SYT16: variants seen among roughly 807,000 people sequenced by gnomAD.
SYT16 encodes synaptotagmin-16.
In SYT16, 42 loss-of-function variants were observed where a neutral mutation model predicts 61.4. The ratio of observed to expected loss-of-function variants is 0.68; its 90% CI spans 0.53 to 0.89. The LOEUF is 0.89. SYT16 is among the 40% of genes least tolerant of loss of function. The pLI, the probability that SYT16 is intolerant of heterozygous loss-of-function variation, is 0.00. For synonymous variants in SYT16, 314 were observed against 302.3 expected (o/e 1.04, Z -0.40); for missense variants, 804 against 807.3 (o/e 1.00, Z 0.05).
chr14:62,064,673 A>T (rs1463916676), intron 3 of SYT16, among the ~76,000 whole-genome samples: 1 of 152,210 alleles, frequency 6.6e-6, no homozygotes, highest in Non-Finnish European at 1.5e-5. Flanking sequence ...TCGGAGCAAG[A>T]CAGCTTGGGT....
At chr14:62,089,449 GTATC>G (rs2056999558) in intron 7 of SYT16, among the ~76,000 whole-genome samples, 1 of 151,952 alleles carries the variant, frequency 6.6e-6, no homozygotes, top group South Asian at 2.1e-4. Flanking sequence ...TCATTTCTAT[GTATC>G]TATCTGTCTA....
intron 1 of SYT16, among the ~76,000 whole-genome samples, chr14:61,819,808 C>A (rs2045558734): frequency 6.6e-6 from 1 of 152,220 alleles, no homozygotes; most frequent in African/African-American, 2.4e-5. Context: ...GGTCCTGCCA[C>A]TCAAAGGCTG....
chr14:62,094,437 T>A (rs1018078106), intron 7 of SYT16, among the ~76,000 whole-genome samples: 2 of 152,084 alleles, frequency 1.3e-5, no homozygotes, highest in Non-Finnish European at 2.9e-5. Context: ...ATTTTTCAAT[T>A]TCTTTTTTTA....
chr14:61,851,315 G>A (rs932218171), intron 1 of SYT16, among the ~76,000 whole-genome samples: 1 of 152,138 alleles, frequency 6.6e-6, no homozygotes, highest in Non-Finnish European at 1.5e-5. Context: ...TATCATTGAT[G>A]GGCATTTAGG....
intron 6 of SYT16, 37 bp from the exon 7 acceptor site, chr14:62,084,159 G>A (rs2353778): frequency 0.56 from 901,806 of 1,600,530 alleles, 257,755 homozygotes; most frequent in South Asian, 0.69. Context: ...GTAGTGCAGC[G>A]TGGGCCAATG....
chr14:61,892,211 G>A (rs1473987170), intron 1 of SYT16, among the ~76,000 whole-genome samples: 3 of 151,268 alleles, frequency 2.0e-5, no homozygotes, highest in Non-Finnish European at 2.9e-5. Flanking sequence ...CTGACCCTCC[G>A]TCTCTCTGAC....
chr14:62,058,829 A>G lies in SYT16; in HGVS notation c.524-10774A>G, dbSNP rs143045801. Among the ~76,000 whole-genome samples, 838 of 152,306 alleles carry G rather than the reference A, an allele frequency of 5.5e-3. 8 individuals are homozygous for G. Among genetic ancestry groups the G allele is most frequent in the African/African-American group, 0.019 (785 of 41,556 alleles). ...AGACATGGAATCAGCCTAAATGTCC[A>G]TCAGTGGTAGACTAGATAAAGAAAA... On this transcript the variant is annotated intron_variant, in intron 3 of 7. Transcript: ENST00000683842.
At chr14:62,079,359 G>T (rs2056624487) in intron 5 of SYT16, 2 of 1,218,852 alleles carry the variant, frequency 1.6e-6, no homozygotes, top group South Asian at 2.8e-5. Flanking sequence ...AATCTTAAAA[G>T]AAAAGGATAT....
At chr14:62,047,313 C>T (rs370858959) in intron 3 of SYT16, among the ~76,000 whole-genome samples, 2 of 152,080 alleles carry the variant, frequency 1.3e-5, no homozygotes, top group African/African-American at 4.8e-5. Context: ...GTGGTTTTTG[C>T]ACATTGATTT....
At chr14:62,099,380 G>A (rs901329709) in intron 7 of SYT16, among the ~76,000 whole-genome samples, 1 of 152,148 alleles carries the variant, frequency 6.6e-6, no homozygotes, top group Non-Finnish European at 1.5e-5. Context: ...TCAACAGAAT[G>A]TGGCAACTGA....
intron 1 of SYT16, among the ~76,000 whole-genome samples, chr14:61,936,180 G>A (rs989525344): frequency 6.6e-6 from 1 of 152,166 alleles, no homozygotes; most frequent in African/African-American, 2.4e-5. Context: ...CTGATTTTCA[G>A]TTTTCTTCCT....
intron 1 of SYT16, among the ~76,000 whole-genome samples, chr14:61,914,795 C>T (rs572097071): frequency 1.3e-5 from 2 of 152,268 alleles, no homozygotes; most frequent in African/African-American, 2.4e-5. Flanking sequence ...AAGTAATTTC[C>T]CTTCTTACAG....
chr14:61,917,440 G>C (rs967359826), intron 1 of SYT16, among the ~76,000 whole-genome samples: 1 of 152,012 alleles, frequency 6.6e-6, no homozygotes, highest in Non-Finnish European at 1.5e-5. Context: ...AAGATTTTTT[G>C]GGGGGAGCAT....
At chr14:61,836,031 A>T (rs1265675942) in intron 1 of SYT16, among the ~76,000 whole-genome samples, 1 of 152,224 alleles carries the variant, frequency 6.6e-6, no homozygotes. Context: ...CAGAACTTGT[A>T]TCAGATCCAC....
chr14:62,080,007 T>C (rs1008372602), intron 5 of SYT16, among the ~76,000 whole-genome samples: 3 of 152,240 alleles, frequency 2.0e-5, no homozygotes, highest in African/African-American at 7.2e-5. Flanking sequence ...CACCAGCAAG[T>C]AGGCACATTA....
At chr14:61,884,571 T>C (rs185928444) in intron 1 of SYT16, among the ~76,000 whole-genome samples, 2 of 152,224 alleles carry the variant, frequency 1.3e-5, no homozygotes, top group African/African-American at 4.8e-5. Context: ...GCCTGACCAG[T>C]TGAAGGACAA....
rs549587826 is a variant in SYT16 at position 62,048,746 on chromosome 14, T to C, written c.524-20857T>C. ...CATTTTATTATGTACCCAGTAGTCA[T>C]TCAGGAGCAGGTTGTTCAGTTTCCG... On this transcript the variant is annotated intron_variant, in intron 3 of 7. Transcript: ENST00000683842. 1.6e-4 allele frequency among the ~76,000 whole-genome samples: 24 copies of C among 152,312 alleles called. No individual in the cohort carries two copies. The South Asian group carries it at 5.0e-3, about 32-fold the overall frequency.
intron 1 of SYT16, among the ~76,000 whole-genome samples, chr14:61,910,542 T>G (rs1000813695): frequency 7.9e-5 from 12 of 151,346 alleles, no homozygotes; most frequent in Non-Finnish European, 1.3e-4. Flanking sequence ...TTTTTTTTTT[T>G]TTTTTTGAGA....
intron 3 of SYT16, among the ~76,000 whole-genome samples, chr14:62,053,537 C>G (rs2055405920): frequency 1.3e-5 from 2 of 152,180 alleles, no homozygotes; most frequent in African/African-American, 4.8e-5. Flanking sequence ...CATTTATATC[C>G]TATTGATTCT....
Sources: allele counts gnomAD v4.1 joint callset (sites outside exome capture counted in the v4.1 genomes callset), GRCh38; gene constraint gnomAD v4.1.1; transcripts MANE v1.5; gene names NCBI Gene and HGNC (gene_info 2026-07-23, HGNC 2026-07-21).